MDN1: variants seen among roughly 807,000 people sequenced by gnomAD.
The protein encoded by MDN1 is midasin AAA ATPase 1, also known as midasin.
Under a neutral mutation model 669.2 loss-of-function variants are expected in MDN1, and 266 were observed. The observed-to-expected ratio is 0.40, with a 90% CI of 0.36 to 0.44. The LOEUF is 0.44. MDN1 is among the 20% of genes least tolerant of loss of function. The pLI, the probability that MDN1 is intolerant of heterozygous loss-of-function variation, is 1.00. For missense variants in MDN1, 5,940 were observed against 6,754.0 expected (o/e 0.88, Z 4.22); for synonymous variants, 2,385 against 2,457.1 (o/e 0.97, Z 0.87).
In MDN1 at chr6:89,716,794, A is replaced by T. The variant is rs1359059200; in HGVS notation, c.6599T>A (p.Val2200Asp). The change falls in exon 44 of 102, where the codon GTT becomes GAT. Residue 2200 changes from valine (V) to aspartate (D), a missense_variant. This residue lies in a region of MDN1 where 2,292 missense variants were observed against 2,638.3 expected (regional missense o/e 0.87). Transcript: ENST00000369393. ...SYCKAEFAKLVEEFRSFGVKL... is the reference protein window; with the variant it reads ...SYCKAEFAKLDEEFRSFGVKL... ...CACACCAAAGCTTCGGAACTCTTCA[A>T]CAAGTTTGGCAAACTCTGAAATGTC... 3 of 1,605,372 alleles carry T rather than the reference A, an allele frequency of 1.9e-6. No individual in the cohort carries two copies. The African/African-American group carries it at 4.0e-5, about 22-fold the overall frequency.
chr6:89,814,799 G>T, intron 1 of MDN1: 2 of 455,240 alleles, frequency 4.4e-6, no homozygotes, highest in Non-Finnish European at 8.8e-6. Flanking sequence ...CTCCGCCAGG[G>T]CCCTGGGTTC....
At chr6:89,713,403 C>CA in intron 46 of MDN1, 107 bp from the exon 47 acceptor site, 1 of 978,096 alleles carries the variant, frequency 1.0e-6, no homozygotes, top group Non-Finnish European at 1.5e-6. Flanking sequence ...CAACCCCACC[C>CA]AAATACTTAC....
chr6:89,714,893 T>A (rs1004660345), intron 45 of MDN1, 142 bp from the exon 46 acceptor site: 1 of 676,136 alleles, frequency 1.5e-6, no homozygotes, highest in Non-Finnish European at 2.5e-6. Flanking sequence ...ACTTCTAGCA[T>A]GCATCAATAT....
intron 36 of MDN1, 39 bp from the exon 37 acceptor site, chr6:89,727,994 T>C (rs1430943064): frequency 6.4e-7 from 1 of 1,573,074 alleles, no homozygotes; most frequent in South Asian, 1.2e-5. Flanking sequence ...CCATTATTAC[T>C]TTAAAAATCA....
intron 74 of MDN1, 73 bp from the exon 75 acceptor site, chr6:89,678,818 C>A: frequency 6.7e-7 from 1 of 1,481,544 alleles, no homozygotes; most frequent in South Asian, 1.3e-5. Flanking sequence ...GTTTGTTACC[C>A]AACACCAGGG....
chr6:89,781,589 G>A lies in MDN1; in HGVS notation c.1453C>T (p.Leu485Phe). 1 of 1,571,794 alleles carries A rather than the reference G, an allele frequency of 6.4e-7. No individual in the cohort carries two copies. Among genetic ancestry groups the A allele is most frequent in the African/African-American group, 1.4e-5 (1 of 73,006 alleles). The change falls in exon 10 of 102, where the codon CTT (leucine) becomes TTT (phenylalanine). Residue 485 changes from leucine to phenylalanine, a missense_variant. Physicochemically the swap from Leu to Phe is conservative, Grantham distance 22. Coordinates refer to ENST00000369393, the MANE Select transcript of MDN1 (RefSeq NM_014611.3). ...NLDKRELNEV[L>F]QSRYPSLLAV... ...AATAGGCTAGGATATCTGCTCTGAA[G>A]AACCTGACAGAGGGGGAAAAAAAAG...
At chr6:89,711,219 T>C (rs1813893813) in intron 49 of MDN1, among the ~76,000 whole-genome samples, 1 of 152,242 alleles carries the variant, frequency 6.6e-6, no homozygotes, top group Non-Finnish European at 1.5e-5. Context: ...AATGTTGTTA[T>C]TGTTGCTTTG....
At position 89,662,128 on chromosome 6, in the gene MDN1, C is replaced by T. The variant is rs142038492; in HGVS notation, c.14524G>A (p.Gly4842Ser). The change falls in exon 87 of 102, where the codon GGT becomes AGT. Residue 4842 changes from glycine (G) to serine (S), a missense_variant. Gly to Ser is a moderately conservative substitution (Grantham distance 56, BLOSUM62 0). This residue lies in a region of MDN1 where 2,280 missense variants were observed against 2,576.3 expected (regional missense o/e 0.88). Transcript: ENST00000369393. ...EEKEEAEADD[G>S]GQGEDKINEQ... is the part of the protein sequence containing the mutation. ...TTAATTTTGTCTTCACCTTGTCCAC[C>T]ATCATCAGCTTCTGCTTCTTCCTTT... 1.2e-6 allele frequency: 2 copies of T among 1,613,656 alleles called. No individual in the cohort carries two copies. Among genetic ancestry groups the T allele is most frequent in the East Asian group, 2.2e-5 (1 of 44,876 alleles).
chr6:89,699,790 G>A lies in MDN1; in HGVS notation c.8871-63C>T, dbSNP rs531999558. On this transcript the variant is annotated intron_variant, in intron 57 of 101. Coordinates refer to ENST00000369393, the MANE Select transcript of MDN1 (RefSeq NM_014611.3). ...ACTATCAATGAACTACTGGAAAGCTGCTACATTAGGGAAGGTGTAACATAA... is the reference window on the plus strand; with the variant it reads ...ACTATCAATGAACTACTGGAAAGCTACTACATTAGGGAAGGTGTAACATAA... 92 of 1,531,688 alleles carry A rather than the reference G, an allele frequency of 6.0e-5. 1 individual carries two copies. In the African/African-American group the frequency reaches 1.2e-3, roughly 21 times the overall value. 94.9% of individuals were successfully genotyped at this position (1,531,688 alleles called of 1,614,324 possible). A position where few individuals can be genotyped will look rare whatever the true frequency, so the allele number is the denominator to read the frequency against.
In MDN1 at chr6:89,658,821, C is replaced by T. The variant is rs376966839; in HGVS notation, c.14810G>A (p.Ser4937Asn). 2.4e-5 allele frequency: 38 copies of T among 1,614,062 alleles called. No individual in the cohort carries two copies. Among genetic ancestry groups the T allele is most frequent in the Non-Finnish European group, 3.1e-5 (37 of 1,180,024 alleles). ...GGGGCCTTCCTCAGGCTCCTGTGGA[C>T]TCTGACTTTCGTTCTGGTCGGTCTC... The part of the protein sequence containing the change: ...ETETDQNESQ[S>N]PQEPEEGPSE... The change falls in exon 89 of 102, where the codon AGT (serine) becomes AAT (asparagine). Residue 4937 changes from serine to asparagine, a missense_variant. Coordinates refer to ENST00000369393, the MANE Select transcript of MDN1 (RefSeq NM_014611.3).
At chr6:89,756,948 G>A (rs1431431107) in intron 19 of MDN1, among the ~76,000 whole-genome samples, 1 of 150,784 alleles carries the variant, frequency 6.6e-6, no homozygotes, top group Admixed American at 6.6e-5. Flanking sequence ...ACAAAAATAA[G>A]AATTAATTAT....
rs1311329749 is a variant in MDN1 at position 89,716,596 on chromosome 6, A to T, written c.6743+54T>A. On this transcript the variant is annotated intron_variant, in intron 44 of 101. Coordinates refer to ENST00000369393, the MANE Select transcript of MDN1 (RefSeq NM_014611.3). ...CACTTCTATCTGGGTTTCTACTTTGACAAGCATATCCCAAATTTCAAGTTG... is the reference window on the plus strand; with the variant it reads ...CACTTCTATCTGGGTTTCTACTTTGTCAAGCATATCCCAAATTTCAAGTTG... 1.9e-6 allele frequency: 3 copies of T among 1,549,964 alleles called. 1 individual carries two copies. In the African/African-American group the frequency reaches 4.2e-5, roughly 22 times the overall value.
intron 44 of MDN1, 145 bp downstream of exon 44, chr6:89,716,505 G>T: frequency 1.4e-6 from 1 of 729,188 alleles, no homozygotes. Context: ...ACCACAGGGA[G>T]AAGTCTACAG....
chr6:89,726,189 G>A (rs1240088137), intron 37 of MDN1, among the ~76,000 whole-genome samples: 1 of 152,058 alleles, frequency 6.6e-6, no homozygotes, highest in African/African-American at 2.4e-5. Flanking sequence ...AGCCAGGAGT[G>A]GTGGCTCATG....
chr6:89,650,451 T>A (rs556751073), intron 96 of MDN1, among the ~76,000 whole-genome samples: 1 of 152,266 alleles, frequency 6.6e-6, no homozygotes, highest in Non-Finnish European at 1.5e-5. Context: ...ATGCACTAAA[T>A]AGGAATGATT....
At chr6:89,736,802 C>G (rs1251018017) in intron 33 of MDN1, among the ~76,000 whole-genome samples, 1 of 152,104 alleles carries the variant, frequency 6.6e-6, no homozygotes, top group East Asian at 1.9e-4. Flanking sequence ...CACAACCCCC[C>G]AGAAAAGTCT....
At chr6:89,787,991 T>C in intron 7 of MDN1, 34 bp from the exon 8 acceptor site, 2 of 1,512,312 alleles carry the variant, frequency 1.3e-6, no homozygotes, top group South Asian at 2.3e-5. Context: ...ACTGATAAAG[T>C]AAAGCTATTA....
chr6:89,676,183 T>G lies in MDN1; in HGVS notation c.12564A>C (p.Ser4188=). 6.2e-7 allele frequency: 1 copy of G among 1,614,240 alleles called. No homozygotes were observed. The highest frequency in any genetic ancestry group is 8.5e-7 in the Non-Finnish European group (1 of 1,180,034). Residue 4188 remains serine (S), a synonymous_variant, in exon 77 of 102, where the codon TCA becomes TCC. Coordinates refer to ENST00000369393, the MANE Select transcript of MDN1 (RefSeq NM_014611.3). ...DSRLLTEISS[S]WDGCQKYFYR... Reference sequence around the variant, plus strand: ...AAAAATACTTCTGGCATCCATCCCATGAAGACGAGATTTCTGTAAGCAGCC... The same window carrying G: ...AAAAATACTTCTGGCATCCATCCCAGGAAGACGAGATTTCTGTAAGCAGCC...
rs999988767 is a variant in MDN1, at chr6:89,656,038, T to C, written c.15286-70A>G. 4.3e-6 allele frequency: 6 copies of C among 1,381,202 alleles called. No individual in the cohort carries two copies. In the African/African-American group the frequency reaches 5.7e-5, roughly 13 times the overall value. 85.6% of individuals were successfully genotyped at this position (1,381,202 alleles called of 1,614,324 possible). ...AAAAGGACTCAAAGTAAACATAATA[T>C]CCATCTATAGGGGACAGGATAAGTA... On this transcript the variant is annotated intron_variant, in intron 91 of 101. Transcript: ENST00000369393.
Sources: gnomAD v4.1 joint callset for allele counts (sites outside exome capture counted in the v4.1 genomes callset) on GRCh38, gnomAD v4.1.1 for gene constraint, gnomAD v4.1.1 regional missense constraint, MANE v1.5 for transcripts, NCBI Gene and HGNC (gene_info 2026-07-23, HGNC 2026-07-21) for gene names.